The following SYTL3 variants were observed in gnomAD, a reference collection of about 807,000 sequenced individuals.
SYTL3 encodes the protein synaptotagmin like 3.
In SYTL3, 88 loss-of-function variants were observed where a neutral mutation model predicts 82.1. The ratio of observed to expected loss-of-function variants is 1.07; its 90% CI spans 0.90 to 1.28. The LOEUF (loss-of-function observed/expected upper bound fraction) is 1.28, where lower values mean the gene tolerates loss of function less well. SYTL3 is among the 50% of genes most tolerant of loss of function. The pLI is 0.00. For synonymous variants in SYTL3, 311 were observed against 289.4 expected, an observed-to-expected ratio of 1.07 and a Z score of -0.76; for missense variants, 831 against 757.6, an observed-to-expected ratio of 1.10 and a Z score of -1.14.
At chr6:158,669,935 C>T (rs1348209144) in intron 5 of SYTL3, among the ~76,000 whole-genome samples, 1 of 152,190 alleles carries the variant, frequency 6.6e-6, no homozygotes. Flanking sequence ...GACCTCGTCT[C>T]TGAAACAACT....
At chr6:158,690,572 TGTG>T (rs1393811984) in intron 6 of SYTL3, among the ~76,000 whole-genome samples, 3 of 152,308 alleles carry the variant, frequency 2.0e-5, no homozygotes, top group South Asian at 2.1e-4. Context: ...AATAATAAAT[TGTG>T]GTAATATGTG....
chr6:158,701,291 TGTA>T (rs1383618950), intron 6 of SYTL3, among the ~76,000 whole-genome samples: 7 of 7,076 alleles, frequency 9.9e-4, no homozygotes, highest in South Asian at 5.2e-3. Flanking sequence ...TGAGCTGGGG[TGTA>T]GATGAAGGAG....
intron 5 of SYTL3, among the ~76,000 whole-genome samples, chr6:158,682,158 C>T (rs181955582): frequency 6.6e-6 from 1 of 151,960 alleles, no homozygotes; most frequent in East Asian, 2.0e-4. Context: ...AGGCTGGTCT[C>T]GACTTCCTGA....
chr6:158,695,751 A>G (rs55674422), intron 6 of SYTL3, among the ~76,000 whole-genome samples: 2,998 of 152,276 alleles, frequency 0.02, 40 homozygotes, highest in Non-Finnish European at 0.029. Context: ...TACTCTAGGT[A>G]CCACATATAA....
intron 14 of SYTL3, among the ~76,000 whole-genome samples, chr6:158,760,323 C>G (rs1427493448): frequency 6.6e-6 from 1 of 152,184 alleles, no homozygotes; most frequent in African/African-American, 2.4e-5. Flanking sequence ...TTTTCAAACT[C>G]AGGCTGTGTC....
At chr6:158,647,467 T>A (rs1355801842), upstream of SYTL3, among the ~76,000 whole-genome samples, 1 of 152,232 alleles carries the variant, frequency 6.6e-6, no homozygotes, top group Non-Finnish European at 1.5e-5. Flanking sequence ...GACTAAAACA[T>A]GGCCTTTATG....
At chr6:158,752,185 A>C (rs759648556) in intron 13 of SYTL3, among the ~76,000 whole-genome samples, 155 bp downstream of exon 13, 1 of 152,172 alleles carries the variant, frequency 6.6e-6, no homozygotes, top group African/African-American at 2.4e-5. Context: ...AATCAGTGTT[A>C]AGTTGGTAGA....
chr6:158,674,284 TGTTA>T (rs1299129362), intron 5 of SYTL3, among the ~76,000 whole-genome samples: 4 of 152,156 alleles, frequency 2.6e-5, no homozygotes, highest in Admixed American at 2.0e-4. Flanking sequence ...GCTTTGGCTC[TGTTA>T]GTTTATGAAA....
At chr6:158,728,056 GTAA>G (rs758691794) in intron 11 of SYTL3, among the ~76,000 whole-genome samples, 1 of 152,170 alleles carries the variant, frequency 6.6e-6, no homozygotes, top group Non-Finnish European at 1.5e-5. Flanking sequence ...ACATATGGGA[GTAA>G]TAATAAATAT....
intron 5 of SYTL3, among the ~76,000 whole-genome samples, 163 bp downstream of exon 5, chr6:158,665,776 C>T (rs1379526222): frequency 6.6e-6 from 1 of 152,158 alleles, no homozygotes; most frequent in Non-Finnish European, 1.5e-5. Flanking sequence ...AAGTTATCTT[C>T]ATCCAAAAAT....
intron 13 of SYTL3, among the ~76,000 whole-genome samples, chr6:158,754,613 G>A (rs951369904): frequency 6.6e-5 from 10 of 152,194 alleles, no homozygotes; most frequent in Non-Finnish European, 1.5e-4. Flanking sequence ...CCAGCTACTC[G>A]GGAGGCTGAG....
intron 12 of SYTL3, 30 bp downstream of exon 12, chr6:158,745,688 G>A: frequency 6.7e-6 from 10 of 1,482,118 alleles, no homozygotes; most frequent in Admixed American, 4.7e-5. Flanking sequence ...TTTAACATGA[G>A]ACATATTGAT....
intron 5 of SYTL3, among the ~76,000 whole-genome samples, chr6:158,674,867 C>A (rs2128391248): frequency 6.6e-6 from 1 of 152,070 alleles, no homozygotes; most frequent in African/African-American, 2.4e-5. Flanking sequence ...GGTGTGTATC[C>A]TCTGGTTAAG....
rs780220230 is a variant in SYTL3 at position 158,760,660 on chromosome 6, C to G, written c.1329C>G (p.Ser443Arg). 6.2e-7 allele frequency: 1 copy of G among 1,613,942 alleles called. No homozygotes were observed. Among genetic ancestry groups the G allele is most frequent in the Admixed American group, 1.7e-5 (1 of 60,026 alleles). The change falls in exon 15 of 18, where the codon AGC becomes AGG. Residue 443 changes from serine to arginine, a missense_variant. Physicochemically the swap from Ser to Arg is moderately radical, Grantham distance 110. Coordinates refer to ENST00000611299, the MANE Select transcript of SYTL3 (RefSeq NM_001242394.2). ...CCCAGGCGGAGAAATACGAAGACAG[C>G]GTTCCTCAGAGTAATGGAGAGCTCA... ...LRAKAEKYEDSVPQSNGELTV... is the reference protein window; with the variant it reads ...LRAKAEKYEDRVPQSNGELTV...
At position 158,759,926 on chromosome 6, in the gene SYTL3, T is replaced by C. The variant is rs183335028; in HGVS notation, c.1309-714T>C. Among the ~76,000 whole-genome samples, 30 of 152,120 alleles carry C rather than the reference T, an allele frequency of 2.0e-4. No homozygotes were observed. The East Asian group carries it at 5.2e-3, about 26-fold the overall frequency. On this transcript the variant is annotated intron_variant, in intron 14 of 17. Transcript: ENST00000611299. Reference sequence around the variant, plus strand: ...TTTTTTTTAAGCTCATCAGCTGTTGTTAGTGTATTTTATGTGTGGCCCAAG... The same window carrying C: ...TTTTTTTTAAGCTCATCAGCTGTTGCTAGTGTATTTTATGTGTGGCCCAAG...
intron 2 of SYTL3, among the ~76,000 whole-genome samples, chr6:158,660,324 G>GAACAGTAAATAT (rs1562343269): frequency 6.6e-6 from 1 of 152,176 alleles, no homozygotes; most frequent in Non-Finnish European, 1.5e-5. Flanking sequence ...CGCCTGGGGT[G>GAACAGTAAATAT]TTCAATAAAT....
At chr6:158,707,193 C>T (rs763484697) in intron 6 of SYTL3, 37 bp from the exon 7 acceptor site, 44 of 1,603,462 alleles carry the variant, frequency 2.7e-5, no homozygotes, top group Non-Finnish European at 3.7e-5. Flanking sequence ...AAGTGCTATT[C>T]TTAATAATAA....
rs553737971 is a variant in SYTL3 at position 158,725,545 on chromosome 6, G to A, written c.763G>A (p.Asp255Asn). The A allele has an allele frequency of 2.5e-6, 4 of 1,614,100 alleles. No individual in the cohort carries two copies. In the East Asian group the frequency reaches 8.9e-5, roughly 36 times the overall value. Residue 255 changes from aspartate (D) to asparagine (N), a missense_variant, in exon 11 of 18, where the codon GAT becomes AAT. Asp to Asn is a conservative substitution (Grantham distance 23, BLOSUM62 1). Coordinates refer to ENST00000611299, the MANE Select transcript of SYTL3 (RefSeq NM_001242394.2). ...PDILKPLNQEDPKCSTNPILK... is the reference protein window; with the variant it reads ...PDILKPLNQENPKCSTNPILK... ...TATTCTGAAACCTCTCAATCAAGAG[G>A]ATCCCAAATGCTCTACTAACCCTAT... is the stretch of plus-strand genomic sequence containing the variant.
intron 5 of SYTL3, among the ~76,000 whole-genome samples, chr6:158,667,317 C>A (rs1790196405): frequency 6.6e-6 from 1 of 152,182 alleles, no homozygotes; most frequent in South Asian, 2.1e-4. Flanking sequence ...TTCTAAAACC[C>A]CAGCTTCCTT....
Sources: allele counts gnomAD v4.1 joint callset (sites outside exome capture counted in the v4.1 genomes callset), GRCh38; gene constraint gnomAD v4.1.1; transcripts MANE v1.5; gene names NCBI Gene and HGNC (gene_info 2026-07-23, HGNC 2026-07-21).